Variants in HEMK2 observed in about 807,000 individuals in gnomAD.
HEMK2 encodes HemK methyltransferase 2, ETF1 glutamine and histone H4 lysine.
the HEMK2 span, among the ~76,000 whole-genome samples, chr21:28,661,226 A>G: frequency 1.3e-5 from 2 of 152,080 alleles, no homozygotes; most frequent in African/African-American, 2.4e-5. Flanking sequence ...CTGATTTTCT[A>G]AAGTTTCTGC....
chr21:28,651,264 T>G, the HEMK2 span, among the ~76,000 whole-genome samples: 1 of 152,202 alleles, frequency 6.6e-6, no homozygotes, highest in Non-Finnish European at 1.5e-5. Context: ...CCAGACTCCA[T>G]GCAAATTATG....
the HEMK2 span, among the ~76,000 whole-genome samples, chr21:28,731,619 G>A: frequency 6.9e-6 from 1 of 144,858 alleles, no homozygotes; most frequent in Non-Finnish European, 1.5e-5. Context: ...GGTAGGGGGA[G>A]GGGGGAGGGA....
the HEMK2 span, among the ~76,000 whole-genome samples, chr21:28,675,974 T>C: frequency 1.3e-5 from 2 of 152,218 alleles, no homozygotes; most frequent in Non-Finnish European, 2.9e-5. Flanking sequence ...GGCATTACCC[T>C]GCCCCGTGGA....
chr21:28,652,942 T>C, the HEMK2 span, among the ~76,000 whole-genome samples: 2 of 152,162 alleles, frequency 1.3e-5, no homozygotes, highest in African/African-American at 4.8e-5. Context: ...TTACTGACCC[T>C]TTCTGTGGCA....
the HEMK2 span, among the ~76,000 whole-genome samples, chr21:28,777,305 A>T: frequency 6.6e-6 from 1 of 152,250 alleles, no homozygotes; most frequent in Non-Finnish European, 1.5e-5. Context: ...TATTGGCAGC[A>T]TCAGCCAACA....
chr21:28,831,722 G>A, the HEMK2 span, among the ~76,000 whole-genome samples: 867 of 49,180 alleles, frequency 0.018, 30 homozygotes, highest in African/African-American at 0.042. Context: ...AAGGAAGGAA[G>A]GAAGGAAGGA....
chr21:28,616,380 T>A, the HEMK2 span, among the ~76,000 whole-genome samples: 1 of 152,152 alleles, frequency 6.6e-6, no homozygotes, highest in South Asian at 2.1e-4. Flanking sequence ...TGGACTTATA[T>A]CCAGCAGTAT....
the HEMK2 span, among the ~76,000 whole-genome samples, chr21:28,731,759 TA>T: frequency 3.0e-3 from 430 of 141,112 alleles, 1 homozygote; most frequent in South Asian, 7.4e-3. Flanking sequence ...AGTATAATAA[TA>T]AAAAAAAAAA....
At chr21:28,833,419 CAGAT>C in the HEMK2 span, among the ~76,000 whole-genome samples, 2 of 152,200 alleles carry the variant, frequency 1.3e-5, no homozygotes, top group Admixed American at 6.5e-5. Context: ...GAGACATAAA[CAGAT>C]GGATGTGACA....
chr21:28,587,373 AATTATAAATAT>A, the HEMK2 span, among the ~76,000 whole-genome samples: 1 of 152,182 alleles, frequency 6.6e-6, no homozygotes, highest in Non-Finnish European at 1.5e-5. Context: ...TTATATGGTA[AATTATAAATAT>A]AATAGATTAA....
At chr21:28,864,761 C>T in the HEMK2 span, among the ~76,000 whole-genome samples, 1 of 151,764 alleles carries the variant, frequency 6.6e-6, no homozygotes, top group African/African-American at 2.4e-5. Context: ...CTCTCAGCTG[C>T]CCAAGTTAAA....
chr21:28,752,485 C>G, the HEMK2 span, among the ~76,000 whole-genome samples: 1 of 152,188 alleles, frequency 6.6e-6, no homozygotes, highest in Non-Finnish European at 1.5e-5. Flanking sequence ...GATGCTTCTT[C>G]CATAGTCATG....
the HEMK2 span, among the ~76,000 whole-genome samples, chr21:28,585,199 G>A: frequency 2.0e-5 from 3 of 152,066 alleles, no homozygotes; most frequent in Non-Finnish European, 4.4e-5. Context: ...GAGCATGGTG[G>A]TGCATGCCTG....
At chr21:28,787,098 A>C in the HEMK2 span, among the ~76,000 whole-genome samples, 1 of 152,220 alleles carries the variant, frequency 6.6e-6, no homozygotes, top group Admixed American at 6.5e-5. Context: ...AGCAAACAAA[A>C]TCATAAAGTG....
chr21:28,699,849 G>A, the HEMK2 span, among the ~76,000 whole-genome samples: 7 of 152,144 alleles, frequency 4.6e-5, no homozygotes, highest in Admixed American at 6.5e-5. Flanking sequence ...AACTGCAAAC[G>A]CTTGATTTAT....
At chr21:28,621,840 T>C in the HEMK2 span, among the ~76,000 whole-genome samples, 3 of 152,232 alleles carry the variant, frequency 2.0e-5, no homozygotes, top group African/African-American at 7.2e-5. Flanking sequence ...TCAGGCCATC[T>C]GGATGTATAT....
At chr21:28,738,148 C>A in the HEMK2 span, among the ~76,000 whole-genome samples, 1 of 152,188 alleles carries the variant, frequency 6.6e-6, no homozygotes, top group Non-Finnish European at 1.5e-5. Flanking sequence ...TGGTCACCTT[C>A]CACTTATGTA....
chr21:28,744,689 C>G, the HEMK2 span, among the ~76,000 whole-genome samples: 1 of 152,180 alleles, frequency 6.6e-6, no homozygotes, highest in Non-Finnish European at 1.5e-5. Context: ...ATTTTACATA[C>G]ATTATTTCAT....
chr21:28,668,915 C>A, the HEMK2 span, among the ~76,000 whole-genome samples: 1 of 152,198 alleles, frequency 6.6e-6, no homozygotes. Flanking sequence ...ATAATCCCAT[C>A]ATACACCAAA....
Sources: gnomAD v4.1 joint callset for allele counts (sites outside exome capture counted in the v4.1 genomes callset) on GRCh38, gnomAD v4.1.1 for gene constraint, MANE v1.5 for transcripts, NCBI Gene and HGNC (gene_info 2026-07-23, HGNC 2026-07-21) for gene names.